Variants in PARD3 observed in about 807,000 individuals in gnomAD.
The protein encoded by PARD3 is partitioning defective 3 homolog.
Under a neutral mutation model 155.4 loss-of-function variants are expected in PARD3, and 75 were observed. That is an observed-to-expected ratio of 0.48 (90% CI 0.40 to 0.58). The LOEUF is 0.58. Ranked by LOEUF, PARD3 falls within the 20% of genes least tolerant of loss-of-function variation. The pLI, the probability that PARD3 is intolerant of heterozygous loss-of-function variation, is 0.00. For synonymous variants in PARD3, 576 were observed against 610.5 expected, an observed-to-expected ratio of 0.94 and a Z score of 0.83; for missense variants, 1,642 against 1,721.7, an observed-to-expected ratio of 0.95 and a Z score of 0.82.
At chr10:34,744,818 T>C (rs999190997) in intron 1 of PARD3, among the ~76,000 whole-genome samples, 2 of 152,226 alleles carry the variant, frequency 1.3e-5, no homozygotes, top group African/African-American at 2.4e-5. Flanking sequence ...AACAGACTCA[T>C]CTGAGTGTCC....
intron 1 of PARD3, among the ~76,000 whole-genome samples, chr10:34,756,443 G>A (rs556638347): frequency 3.9e-5 from 5 of 129,012 alleles, no homozygotes; most frequent in African/African-American, 8.7e-5. Context: ...TTGAGCCACC[G>A]CGCCCAGCCA....
chr10:34,529,187 A>C (rs895518143), intron 2 of PARD3, among the ~76,000 whole-genome samples: 29 of 152,202 alleles, frequency 1.9e-4, no homozygotes, highest in African/African-American at 7.0e-4. Flanking sequence ...GTCCACACTT[A>C]GGTACAATTG....
chr10:34,720,185 T>TA (rs1451693882), intron 1 of PARD3, among the ~76,000 whole-genome samples: 2 of 152,304 alleles, frequency 1.3e-5, no homozygotes, highest in East Asian at 1.9e-4. Flanking sequence ...GTAATCCCAC[T>TA]AGTTTGGGAG....
intron 22 of PARD3, among the ~76,000 whole-genome samples, chr10:34,231,456 G>A (rs993447726): frequency 1.3e-5 from 2 of 151,870 alleles, no homozygotes; most frequent in Non-Finnish European, 2.9e-5. Flanking sequence ...GACATTCAAA[G>A]TGGCAGCTGT....
intron 15 of PARD3, among the ~76,000 whole-genome samples, chr10:34,347,245 T>C (rs1222144459): frequency 6.6e-6 from 1 of 152,242 alleles, no homozygotes; most frequent in East Asian, 1.9e-4. Context: ...CACAAGCTAA[T>C]CGCAAGATGA....
chr10:34,334,712 T>C (rs1835969815), intron 18 of PARD3, among the ~76,000 whole-genome samples: 1 of 150,336 alleles, frequency 6.7e-6, no homozygotes, highest in African/African-American at 2.4e-5. Context: ...TAATTTAATT[T>C]GGTAGAATAG....
chr10:34,519,995 A>G (rs563928232), intron 2 of PARD3, among the ~76,000 whole-genome samples: 1 of 152,222 alleles, frequency 6.6e-6, no homozygotes, highest in Non-Finnish European at 1.5e-5. Flanking sequence ...TAGCCTTCCA[A>G]GAAAAGAACC....
chr10:34,141,687 C>T (rs1948196871), intron 22 of PARD3, among the ~76,000 whole-genome samples: 1 of 152,202 alleles, frequency 6.6e-6, no homozygotes, highest in South Asian at 2.1e-4. Flanking sequence ...TCCTTATTAG[C>T]TTGTCATTGG....
At chr10:34,644,478 A>G (rs1379525111) in intron 2 of PARD3, among the ~76,000 whole-genome samples, 4 of 152,238 alleles carry the variant, frequency 2.6e-5, no homozygotes, top group African/African-American at 9.6e-5. Context: ...GACATGGCCC[A>G]GGGCAGCTGC....
rs905614335 is a variant in PARD3, at chr10:34,111,145, A to G, written c.*24T>C. The G allele has an allele frequency of 2.0e-6, 3 of 1,521,906 alleles. No individual in the cohort carries two copies. The highest frequency in any genetic ancestry group is 1.4e-5 in the African/African-American group (1 of 71,768). 94.3% of individuals were successfully genotyped at this position (1,521,906 alleles called of 1,614,324 possible). ...AGGAAAATGTCTTTTATTGCGCGAC[A>G]TGAAGCATCCGTTATTTGCGTGCTC... On this transcript the variant is annotated 3_prime_UTR_variant, in exon 25 of 25. Transcript: ENST00000374788.
At chr10:34,408,254 T>C (rs1844696448) in intron 5 of PARD3, among the ~76,000 whole-genome samples, 1 of 152,098 alleles carries the variant, frequency 6.6e-6, no homozygotes, top group Non-Finnish European at 1.5e-5. Flanking sequence ...CAATTTACAA[T>C]ATTTTCTGTC....
chr10:34,760,041 T>A (rs1837243646), intron 1 of PARD3, among the ~76,000 whole-genome samples: 1 of 152,152 alleles, frequency 6.6e-6, no homozygotes, highest in Non-Finnish European at 1.5e-5. Flanking sequence ...TCAACAAGTT[T>A]AGTATAATTC....
At chr10:34,261,846 AC>A (rs60864302) in intron 22 of PARD3, among the ~76,000 whole-genome samples, 8,703 of 148,996 alleles carry the variant, frequency 0.058, 891 homozygotes, top group African/African-American at 0.2. Flanking sequence ...ACAAACAAAC[AC>A]ACACACACTG....
At chr10:34,529,222 A>C (rs1027823714) in intron 2 of PARD3, among the ~76,000 whole-genome samples, 2 of 152,170 alleles carry the variant, frequency 1.3e-5, no homozygotes, top group African/African-American at 4.8e-5. Context: ...ATCCAATCTG[A>C]ATGCGGATCA....
chr10:34,408,813 T>C (rs1347887052), intron 5 of PARD3, among the ~76,000 whole-genome samples: 2 of 151,714 alleles, frequency 1.3e-5, no homozygotes, highest in Non-Finnish European at 2.9e-5. Flanking sequence ...GCAAATACTT[T>C]TTAGAAAAGA....
chr10:34,631,338 T>C (rs1001665434), intron 2 of PARD3, among the ~76,000 whole-genome samples: 3 of 152,084 alleles, frequency 2.0e-5, no homozygotes, highest in Non-Finnish European at 2.9e-5. Flanking sequence ...AGTACATTGA[T>C]TGAAGTAACA....
intron 3 of PARD3, among the ~76,000 whole-genome samples, chr10:34,496,078 TG>T (rs1222560189): frequency 6.6e-6 from 1 of 151,894 alleles, no homozygotes; most frequent in Non-Finnish European, 1.5e-5. Context: ...GGTGTGCGCC[TG>T]TAGTCCCAGC....
At chr10:34,182,584 G>A (rs1950313955) in intron 22 of PARD3, among the ~76,000 whole-genome samples, 1 of 152,034 alleles carries the variant, frequency 6.6e-6, no homozygotes, top group South Asian at 2.1e-4. Context: ...AAAACACCTG[G>A]TATATCCAAC....
chr10:34,743,106 T>C (rs2095048296), intron 1 of PARD3, among the ~76,000 whole-genome samples: 2 of 152,154 alleles, frequency 1.3e-5, no homozygotes. Flanking sequence ...AATCTTATCA[T>C]CATCATCTCA....
Sources: allele counts gnomAD v4.1 joint callset (sites outside exome capture counted in the v4.1 genomes callset), GRCh38; gene constraint gnomAD v4.1.1; transcripts MANE v1.5; gene names NCBI Gene and HGNC (gene_info 2026-07-23, HGNC 2026-07-21).